USP36: variants seen among roughly 807,000 people sequenced by gnomAD.
The protein encoded by USP36 is ubiquitin specific peptidase 36.
USP36 carries 59 observed loss-of-function variants against 111.5 expected under a neutral mutation model. The ratio of observed to expected loss-of-function variants is 0.53; its 90% CI spans 0.43 to 0.66. The LOEUF is 0.66. USP36 is among the 30% of genes least tolerant of loss of function. USP36 has a pLI of 0.00. For synonymous variants in USP36, 628 were observed against 581.0 expected (o/e 1.08, Z -1.16); for missense variants, 1,488 against 1,468.0 (o/e 1.01, Z -0.22).
chr17:78,818,649 G>A lies in USP36; in HGVS notation c.1023+18C>T. ...TGTGGCCCACGGAGCTGCCTGGGAT[G>A]GTGTCACGAGCGCTCACCTTGGTGA... On this transcript the variant is annotated intron_variant, in intron 10 of 20. Coordinates refer to ENST00000449938, the MANE Select transcript of USP36 (RefSeq NM_001385174.1). 6.2e-7 allele frequency: 1 copy of A among 1,609,952 alleles called. No homozygotes were observed. Among genetic ancestry groups the A allele is most frequent in the East Asian group, 2.2e-5 (1 of 44,854 alleles).
downstream of USP36, among the ~76,000 whole-genome samples, chr17:78,794,973 A>G (rs1484805606): frequency 6.8e-6 from 1 of 146,458 alleles, no homozygotes. Context: ...GTGCCACTGC[A>G]CTCCAGCCTG....
intron 4 of USP36, among the ~76,000 whole-genome samples, chr17:78,830,010 A>AT (rs887193196): frequency 6.4e-4 from 97 of 152,350 alleles, no homozygotes; most frequent in African/African-American, 2.3e-3. Context: ...AAGTGCTGGG[A>AT]TTACAGGCGT....
Position 78,834,859 on chromosome 17 carries a change from T to C in USP36, c.475+421A>G, listed in dbSNP as rs1466994602. Among the ~76,000 whole-genome samples, 7 of 152,202 alleles carry C rather than the reference T, an allele frequency of 4.6e-5. No individual in the cohort carries two copies. In the East Asian group the frequency reaches 1.2e-3, roughly 25 times the overall value. On this transcript the variant is annotated intron_variant, in intron 4 of 20. Transcript: ENST00000449938. ...GGCTAGGCATGGTGGCTCACACTTA[T>C]AATCCCAGCACTTTGGGAGGCTGAG...
chr17:78,820,544 T>C (rs2094294521), intron 8 of USP36, among the ~76,000 whole-genome samples: 1 of 152,040 alleles, frequency 6.6e-6, no homozygotes, highest in Middle Eastern at 3.2e-3. Context: ...ATCAGGATGA[T>C]CTTGTAGCTG....
At chr17:78,793,672 G>A (rs12953123), downstream of USP36, among the ~76,000 whole-genome samples, 42,919 of 151,914 alleles carry the variant, frequency 0.28, 7,292 homozygotes, top group East Asian at 0.43. Context: ...TCCTCATTGC[G>A]CTGAGGTTGT....
intron 4 of USP36, among the ~76,000 whole-genome samples, chr17:78,835,018 T>TA (rs1567972747): frequency 8.0e-5 from 12 of 149,212 alleles, no homozygotes; most frequent in African/African-American, 2.7e-4. Context: ...TATATATATA[T>TA]TTTGGAAGTA....
chr17:78,834,814 A>G (rs1303479684), intron 4 of USP36, among the ~76,000 whole-genome samples: 1 of 151,908 alleles, frequency 6.6e-6, no homozygotes, highest in Admixed American at 6.6e-5. Flanking sequence ...TGATACAACA[A>G]CAGATGCATA....
intron 4 of USP36, among the ~76,000 whole-genome samples, chr17:78,833,469 C>T (rs2068344315): frequency 6.6e-6 from 1 of 152,034 alleles, no homozygotes; most frequent in Admixed American, 6.6e-5. Flanking sequence ...TTCTATAGCA[C>T]TCCCTCTTTG....
downstream of USP36, among the ~76,000 whole-genome samples, chr17:78,793,635 TACC>T (rs1440279247): frequency 2.0e-5 from 3 of 152,156 alleles, no homozygotes; most frequent in African/African-American, 7.2e-5. Context: ...AGTCCTCCTT[TACC>T]ACCACGTCCT....
At chr17:78,821,844 G>T in intron 7 of USP36, 93 bp downstream of exon 7, 1 of 1,464,490 alleles carries the variant, frequency 6.8e-7, no homozygotes, top group Non-Finnish European at 9.5e-7. Context: ...GCACAGCGAA[G>T]AAAGAGCCCC....
chr17:78,802,226 G>A (rs531839703), intron 17 of USP36, 98 bp downstream of exon 17: 19 of 1,231,796 alleles, frequency 1.5e-5, no homozygotes, highest in African/African-American at 1.0e-4. Context: ...ACGCCCATGC[G>A]GTCCCCCAAC....
chr17:78,816,725 C>T (rs1393921268), intron 10 of USP36, among the ~76,000 whole-genome samples: 1 of 152,190 alleles, frequency 6.6e-6, no homozygotes, highest in Admixed American at 6.5e-5. Context: ...AATCCTCCCA[C>T]CTCAGCCTCC....
chr17:78,793,211 T>G (rs2093597999), downstream of USP36, among the ~76,000 whole-genome samples: 1 of 152,068 alleles, frequency 6.6e-6, no homozygotes, highest in Admixed American at 6.6e-5. Flanking sequence ...CCATGTTGTT[T>G]AATTTTGGGG....
downstream of USP36, among the ~76,000 whole-genome samples, chr17:78,794,557 C>T (rs535568699): frequency 5.9e-5 from 9 of 152,272 alleles, no homozygotes; most frequent in East Asian, 7.7e-4. Context: ...CCGCCGCCTG[C>T]GAGACGACGT....
chr17:78,813,501 C>T (rs2094116154), intron 12 of USP36, among the ~76,000 whole-genome samples: 1 of 152,144 alleles, frequency 6.6e-6, no homozygotes, highest in Admixed American at 6.5e-5. Flanking sequence ...GGAGCAGTAC[C>T]TCTAATTTGG....
In USP36 at chr17:78,821,040, C is replaced by A; in HGVS notation, c.779G>T (p.Ser260Ile). 1 of 1,605,898 alleles carries A rather than the reference C, an allele frequency of 6.2e-7. No individual in the cohort carries two copies. The highest frequency in any genetic ancestry group is 8.5e-7 in the Non-Finnish European group (1 of 1,176,070). The change falls in exon 8 of 21, where the codon AGC becomes ATC. Residue 260 changes from serine (S) to isoleucine (I), a missense_variant. By Grantham distance (142) the Ser-to-Ile change is moderately radical (BLOSUM62 -2). This residue lies in a region of USP36 where 196 missense variants were observed against 264.4 expected (regional missense o/e 0.74). Transcript: ENST00000449938. ...GTAGGGGTCGTAGGTGTCCGAGACG[C>A]TCTTGCACACGGAGCACTTCACTGC... is the stretch of plus-strand genomic sequence containing the variant. ...RSRVKCSVCK[S>I]VSDTYDPYLD... is the part of the protein sequence containing the mutation.
At chr17:78,814,726 G>A (rs1012127640) in intron 10 of USP36, among the ~76,000 whole-genome samples, 174 bp from the exon 11 acceptor site, 2 of 152,042 alleles carry the variant, frequency 1.3e-5, no homozygotes, top group Non-Finnish European at 2.9e-5. Flanking sequence ...GCTGAGGCAG[G>A]GGGATCACCT....
At position 78,798,686 on chromosome 17, in the gene USP36, C is replaced by T; in HGVS notation, c.3241-135G>A. The T allele has an allele frequency of 7.1e-7, 1 of 1,410,812 alleles. No homozygotes were observed. The highest frequency in any genetic ancestry group is 1.3e-5 in the South Asian group (1 of 78,296). 87.4% of individuals were successfully genotyped at this position (1,410,812 alleles called of 1,614,324 possible). A position where few individuals can be genotyped will look rare whatever the true frequency, so the allele number is the denominator to read the frequency against. Reference sequence around the variant, plus strand: ...TCTGGAGACCCACTCTTCACAATGACCCCTGTGCACGGCGACCTGCAGTCC... The same window carrying T: ...TCTGGAGACCCACTCTTCACAATGATCCCTGTGCACGGCGACCTGCAGTCC... On this transcript the variant is annotated intron_variant, in intron 19 of 20. Transcript: ENST00000449938. This position sits in a 1 kb window ranked among gnomAD's most constrained non-coding sequence, Gnocchi z 5.1.
At chr17:78,812,291 T>C (rs532383402) in intron 13 of USP36, among the ~76,000 whole-genome samples, 5 of 152,324 alleles carry the variant, frequency 3.3e-5, no homozygotes, top group African/African-American at 1.2e-4. Context: ...GCTGGTCTCA[T>C]GAGTAGAACA....
Sources: allele counts gnomAD v4.1 joint callset (sites outside exome capture counted in the v4.1 genomes callset), GRCh38; gene constraint gnomAD v4.1.1; regional missense constraint gnomAD v4.1.1; non-coding constraint Gnocchi (gnomAD v3.1); transcripts MANE v1.5; gene names NCBI Gene and HGNC (gene_info 2026-07-23, HGNC 2026-07-21).